The following TNIP2 variants were observed in gnomAD, a reference collection of about 807,000 sequenced individuals.
TNIP2 encodes TNFAIP3 interacting protein 2, also known as TNFAIP3-interacting protein 2.
In TNIP2, 30 loss-of-function variants were observed where a neutral mutation model predicts 43.7. The observed-to-expected ratio is 0.69, with a 90% CI of 0.51 to 0.93. The LOEUF is 0.93. Ranked by LOEUF, TNIP2 falls within the 40% of genes least tolerant of loss-of-function variation. TNIP2 has a pLI of 0.00. For missense variants in TNIP2, 599 were observed against 591.0 expected, an observed-to-expected ratio of 1.01 and a Z score of -0.14; for synonymous variants, 260 against 254.6, an observed-to-expected ratio of 1.02 and a Z score of -0.20.
chr4:2,753,447 T>TA (rs898783308), intron 1 of TNIP2, among the ~76,000 whole-genome samples: 1 of 151,504 alleles, frequency 6.6e-6, no homozygotes, highest in Non-Finnish European at 1.5e-5. Flanking sequence ...CTCAAAAAAA[T>TA]AAAAAAATAA....
chr4:2,747,347 AGCT>A, intron 2 of TNIP2: 2 of 339,576 alleles, frequency 5.9e-6, no homozygotes, highest in Non-Finnish European at 1.1e-5. Flanking sequence ...TGCCAGGCTC[AGCT>A]CCTCCTCCTC....
intron 5 of TNIP2, among the ~76,000 whole-genome samples, chr4:2,743,771 T>G (rs995478055): frequency 6.6e-6 from 1 of 152,222 alleles, no homozygotes; most frequent in African/African-American, 2.4e-5. Flanking sequence ...AGGTACTTGA[T>G]GAGGAGCTAC....
chr4:2,742,542 A>G, intron 5 of TNIP2, 22 bp from the exon 6 acceptor site: 1 of 1,543,808 alleles, frequency 6.5e-7, no homozygotes, highest in Non-Finnish European at 8.8e-7. Context: ...GCAAGGGTGT[A>G]TATACGTGGG....
At chr4:2,748,728 A>T (rs115613720) in intron 1 of TNIP2, among the ~76,000 whole-genome samples, 5,895 of 135,508 alleles carry the variant, frequency 0.044, 280 homozygotes, top group African/African-American at 0.15. Context: ...TCCTGACCTT[A>T]GATGATCCGC....
intron 1 of TNIP2, among the ~76,000 whole-genome samples, chr4:2,748,772 G>A (rs1036092380): frequency 3.3e-5 from 5 of 150,516 alleles, no homozygotes; most frequent in Non-Finnish European, 5.9e-5. Context: ...GGGATTATAG[G>A]CGTGAGCCAC....
intron 3 of TNIP2, 84 bp downstream of exon 3, chr4:2,745,361 CT>C: frequency 1.9e-6 from 2 of 1,066,816 alleles, no homozygotes; most frequent in East Asian, 5.0e-5. Flanking sequence ...CGGGGGGCGA[CT>C]CTGGGCATCA....
chr4:2,754,483 C>G (rs1311416890), intron 1 of TNIP2, among the ~76,000 whole-genome samples: 1 of 152,268 alleles, frequency 6.6e-6, no homozygotes, highest in Non-Finnish European at 1.5e-5. Context: ...GTGGCACAAT[C>G]TCGGCTCACT....
At chr4:2,743,183 C>G (rs919794345) in intron 5 of TNIP2, among the ~76,000 whole-genome samples, 6 of 152,166 alleles carry the variant, frequency 3.9e-5, no homozygotes, top group African/African-American at 1.4e-4. Context: ...GCCTTCAGCA[C>G]CACTGTCCCT....
intron 2 of TNIP2, among the ~76,000 whole-genome samples, chr4:2,747,056 T>G (rs1357694426): frequency 6.6e-6 from 1 of 152,200 alleles, no homozygotes; most frequent in East Asian, 1.9e-4. Context: ...CCCCGGCCCT[T>G]GCTTTGATGA....
chr4:2,748,533 G>A (rs1256857694), intron 1 of TNIP2, among the ~76,000 whole-genome samples: 3 of 151,914 alleles, frequency 2.0e-5, no homozygotes, highest in African/African-American at 4.8e-5. Flanking sequence ...TAGTAGAGAT[G>A]GGGTTTCACC....
intron 1 of TNIP2, among the ~76,000 whole-genome samples, chr4:2,750,904 C>T (rs139427667): frequency 7.4e-4 from 113 of 152,274 alleles, no homozygotes; most frequent in Admixed American, 3.5e-3. Context: ...ATCCTGAGGG[C>T]GTGGCTCTCT....
At chr4:2,750,397 GATTATTATTATTATTATT>G (rs71644358) in intron 1 of TNIP2, among the ~76,000 whole-genome samples, 5 of 145,642 alleles carry the variant, frequency 3.4e-5, no homozygotes, top group Admixed American at 1.4e-4. Flanking sequence ...CGAGAACCCT[GATTATTATTATTATTATT>G]ATTATTATTA....
At chr4:2,751,001 C>G (rs192105100) in intron 1 of TNIP2, among the ~76,000 whole-genome samples, 86 of 152,336 alleles carry the variant, frequency 5.6e-4, no homozygotes, top group African/African-American at 1.9e-3. Flanking sequence ...CATACAGAGA[C>G]AGATCAGGAC....
At chr4:2,752,020 G>A (rs1191625582) in intron 1 of TNIP2, among the ~76,000 whole-genome samples, 2 of 150,172 alleles carry the variant, frequency 1.3e-5, no homozygotes, top group East Asian at 2.0e-4. Context: ...CAGGAGAATC[G>A]CTTGAACCCG....
intron 1 of TNIP2, among the ~76,000 whole-genome samples, chr4:2,748,564 G>A (rs916464260): frequency 3.3e-5 from 5 of 151,884 alleles, no homozygotes; most frequent in African/African-American, 1.2e-4. Context: ...GGATGGTCTC[G>A]ATCTCCTGAC....
At chr4:2,751,980 C>T (rs1353623577) in intron 1 of TNIP2, among the ~76,000 whole-genome samples, 1 of 148,966 alleles carries the variant, frequency 6.7e-6, no homozygotes, top group Non-Finnish European at 1.5e-5. Context: ...TGGTGGGCGC[C>T]TGTAGTCCCA....
Position 2,742,047 on chromosome 4 carries a change from C to T in TNIP2, c.*210G>A, listed in dbSNP as rs1000335260. 1 of 423,688 alleles carries T rather than the reference C, an allele frequency of 2.4e-6. No individual in the cohort carries two copies. The highest frequency in any genetic ancestry group is 4.0e-6 in the Non-Finnish European group (1 of 247,866). The allele number at this position is 423,688 out of a possible 1,614,324, so 26.2% of individuals were successfully genotyped here. A position where few individuals can be genotyped will look rare whatever the true frequency, so the allele number is the denominator to read the frequency against. Reference sequence around the variant, plus strand: ...CCAGATGTTCCTGACCCCATCTCCACCTCCAGCCTCCAGCCTCACTGGCAG... The same window carrying T: ...CCAGATGTTCCTGACCCCATCTCCATCTCCAGCCTCCAGCCTCACTGGCAG... On this transcript the variant is annotated 3_prime_UTR_variant, in exon 6 of 6. Coordinates refer to ENST00000315423, the MANE Select transcript of TNIP2 (RefSeq NM_024309.4).
In TNIP2 at chr4:2,756,170, G is replaced by A. The variant is rs1477984797; in HGVS notation, c.120C>T (p.Ala40=). The A allele has an allele frequency of 1.4e-6, 2 of 1,478,156 alleles. No individual in the cohort carries two copies. The highest frequency in any genetic ancestry group is 2.4e-5 in the Admixed American group (1 of 41,964). 91.6% of individuals were successfully genotyped at this position (1,478,156 alleles called of 1,614,324 possible). ...RLRRLQDQLA[A]RDALIARLRA... Reference sequence around the variant, plus strand: ...GGAGGCGAGCGATGAGGGCGTCGCGGGCAGCGAGCTGGTCCTGCAGGCGGC... The same window carrying A: ...GGAGGCGAGCGATGAGGGCGTCGCGAGCAGCGAGCTGGTCCTGCAGGCGGC... Residue 40 remains alanine (A), a synonymous_variant, in exon 1 of 6, where the codon GCC becomes GCT. Transcript: ENST00000315423.
chr4:2,755,176 CAT>C (rs561841407), intron 1 of TNIP2, among the ~76,000 whole-genome samples: 14 of 151,988 alleles, frequency 9.2e-5, no homozygotes, highest in South Asian at 2.1e-4. Context: ...CCAAGACACA[CAT>C]GTGTGCGTAC....
Sources: gnomAD v4.1 joint callset for allele counts (sites outside exome capture counted in the v4.1 genomes callset) on GRCh38, gnomAD v4.1.1 for gene constraint, MANE v1.5 for transcripts, NCBI Gene and HGNC (gene_info 2026-07-23, HGNC 2026-07-21) for gene names.